The following ZC3H6 variants were observed in gnomAD, a reference collection of about 807,000 sequenced individuals.
ZC3H6 encodes zinc finger CCCH-type containing 6.
Under a neutral mutation model 107.7 loss-of-function variants are expected in ZC3H6, and 40 were observed. The observed-to-expected ratio is 0.37, with a 90% CI of 0.29 to 0.48. The LOEUF (loss-of-function observed/expected upper bound fraction) is 0.48, where lower values mean the gene tolerates loss of function less well. Ranked by LOEUF, ZC3H6 falls within the 20% of genes least tolerant of loss-of-function variation. ZC3H6 has a pLI of 0.98. For synonymous variants in ZC3H6, 493 were observed against 487.9 expected (o/e 1.01, Z -0.14); for missense variants, 1,267 against 1,410.4 (o/e 0.90, Z 1.63).
rs138012344 is a variant in ZC3H6 at position 112,336,408 on chromosome 2, G to A, written c.*3920G>A. The stretch of plus-strand genomic sequence containing the variant: ...TTCTTGAATTATCTTTTCAAAAATG[G>A]TTTGGCAGCACTTGATGACATTATG... On this transcript the variant is annotated 3_prime_UTR_variant, in exon 12 of 12. Transcript: ENST00000409871. 9.2e-5 allele frequency: 14 copies of A among 152,250 alleles called. No individual in the cohort carries two copies. Among genetic ancestry groups the A allele is most frequent in the African/African-American group, 3.1e-4 (13 of 41,552 alleles). 9.4% of individuals were successfully genotyped at this position (152,250 alleles called of 1,614,324 possible).
Position 112,338,899 on chromosome 2 carries a change from ATATATATATATATAAT to A in ZC3H6, c.*6413_*6428del. 1.7e-5 allele frequency: 1 copy of A among 58,164 alleles called. No individual in the cohort carries two copies. Among genetic ancestry groups the A allele is most frequent in the South Asian group, 5.9e-4 (1 of 1,682 alleles). 3.6% of individuals were successfully genotyped at this position (58,164 alleles called of 1,614,324 possible). A position where few individuals can be genotyped will look rare whatever the true frequency, so the allele number is the denominator to read the frequency against. On this transcript the variant is annotated 3_prime_UTR_variant, in exon 12 of 12. Transcript: ENST00000409871. ...TATATATATATATATATATATATAT[ATATATATATATATAAT>A]TTTTTTTTTTTGAGACGGAGTCTTG...
chr2:112,298,140 G>A (rs1316981965), intron 1 of ZC3H6, among the ~76,000 whole-genome samples: 5 of 139,394 alleles, frequency 3.6e-5, no homozygotes, highest in African/African-American at 1.5e-4. Flanking sequence ...CATATAGATA[G>A]ATATATTGCT....
chr2:112,331,743 A>G lies in ZC3H6; in HGVS notation c.2825A>G (p.Asn942Ser), dbSNP rs1356494671. The change falls in exon 12 of 12, where the codon AAC becomes AGC. Residue 942 changes from asparagine (N) to serine (S), a missense_variant. By Grantham distance (46) the Asn-to-Ser change is conservative (BLOSUM62 1). Coordinates refer to ENST00000409871, the MANE Select transcript of ZC3H6 (RefSeq NM_198581.3). Reference sequence around the variant, plus strand: ...GCCAAAGCCAAAATTAACACAACAAACAGAGAAGGCTACCTAGAACAATTT... The same window carrying G: ...GCCAAAGCCAAAATTAACACAACAAGCAGAGAAGGCTACCTAGAACAATTT... ...LAAKAKINTT[N>S]REGYLEQFGD... 2 of 1,613,782 alleles carry G rather than the reference A, an allele frequency of 1.2e-6. No homozygotes were observed. The highest frequency in any genetic ancestry group is 2.2e-5 in the South Asian group (2 of 91,070).
intron 1 of ZC3H6, among the ~76,000 whole-genome samples, chr2:112,291,579 A>G (rs1200489665): frequency 6.6e-6 from 1 of 152,234 alleles, no homozygotes; most frequent in African/African-American, 2.4e-5. Context: ...ATACAAACAC[A>G]ACCAGAGCTT....
intron 11 of ZC3H6, among the ~76,000 whole-genome samples, chr2:112,330,490 A>G (rs905077749): frequency 6.6e-6 from 1 of 152,210 alleles, no homozygotes; most frequent in Non-Finnish European, 1.5e-5. Flanking sequence ...TACCTTAACC[A>G]TCACTTTCAG....
Position 112,333,673 on chromosome 2 carries a change from A to C in ZC3H6, c.*1185A>C, listed in dbSNP as rs976263934. ...ATAATGGCAACTCTTTGTTTTATACATATATAATTTATAACTGAATCTAAG... is the reference window on the plus strand; with the variant it reads ...ATAATGGCAACTCTTTGTTTTATACCTATATAATTTATAACTGAATCTAAG... On this transcript the variant is annotated 3_prime_UTR_variant, in exon 12 of 12. Coordinates refer to ENST00000409871, the MANE Select transcript of ZC3H6 (RefSeq NM_198581.3). The C allele has an allele frequency of 2.0e-5, 3 of 152,116 alleles. No individual in the cohort carries two copies. Among genetic ancestry groups the C allele is most frequent in the Non-Finnish European group, 4.4e-5 (3 of 67,966 alleles). 9.4% of individuals were successfully genotyped at this position (152,116 alleles called of 1,614,324 possible).
chr2:112,309,739 T>C, intron 3 of ZC3H6, 146 bp from the exon 4 acceptor site: 1 of 689,232 alleles, frequency 1.5e-6, no homozygotes, highest in East Asian at 2.8e-5. Flanking sequence ...AGTAGTATCA[T>C]AGATAAGTAC....
chr2:112,331,836 T>C lies in ZC3H6; in HGVS notation c.2918T>C (p.Leu973Pro). The change falls in exon 12 of 12, where the codon CTT becomes CCT. Residue 973 changes from leucine to proline, a missense_variant. Leu to Pro is a moderately conservative substitution (Grantham distance 98, BLOSUM62 -3). This residue lies in a region of ZC3H6 where 925 missense variants were observed against 1,025.7 expected (regional missense o/e 0.90). Transcript: ENST00000409871. ...PRLQKNFDPR[L>P]HRLPNTESHQ... The stretch of plus-strand genomic sequence containing the variant: ...CTACAAAAAAATTTTGATCCTAGGC[T>C]TCACAGACTGCCCAATACAGAGTCT... 3 of 1,613,856 alleles carry C rather than the reference T, an allele frequency of 1.9e-6. No individual in the cohort carries two copies. The highest frequency in any genetic ancestry group is 2.5e-6 in the Non-Finnish European group (3 of 1,179,886).
chr2:112,336,758 T>C lies in ZC3H6; in HGVS notation c.*4270T>C, dbSNP rs550169816. On this transcript the variant is annotated 3_prime_UTR_variant, in exon 12 of 12. Transcript: ENST00000409871. The stretch of plus-strand genomic sequence containing the variant: ...ATTATCCTGCCTTTCCTGGAAAGGA[T>C]ACAGACCCAAGAAAAGTTAACATCT... The C allele has an allele frequency of 1.3e-5, 2 of 152,334 alleles. No individual in the cohort carries two copies. The highest frequency in any genetic ancestry group is 4.8e-5 in the African/African-American group (2 of 41,576). 9.4% of individuals were successfully genotyped at this position (152,334 alleles called of 1,614,324 possible).
At chr2:112,316,981 C>A (rs895584734) in intron 6 of ZC3H6, among the ~76,000 whole-genome samples, 2 of 152,178 alleles carry the variant, frequency 1.3e-5, no homozygotes, top group Admixed American at 6.5e-5. Flanking sequence ...GTTGCCAATT[C>A]AGGCAGTATC....
Position 112,303,312 on chromosome 2 carries a change from A to G in ZC3H6, c.297A>G (p.Arg99=), listed in dbSNP as rs759456998. Residue 99 remains arginine (R), a synonymous_variant, in exon 3 of 12, where the codon AGA becomes AGG. Transcript: ENST00000409871. ...ATACAGAAAGTTCCCATAAAAAAAG[A>G]ACTGGTTTCTACAGGGATTATGACA... ...VEHTESSHKK[R]TGFYRDYDIP... 1 of 1,613,480 alleles carries G rather than the reference A, an allele frequency of 6.2e-7. No homozygotes were observed. The highest frequency in any genetic ancestry group is 8.5e-7 in the Non-Finnish European group (1 of 1,179,514).
chr2:112,300,299 C>T (rs1398765431), intron 2 of ZC3H6, among the ~76,000 whole-genome samples: 1 of 151,904 alleles, frequency 6.6e-6, no homozygotes, highest in African/African-American at 2.4e-5. Flanking sequence ...CCTTGATCTC[C>T]CAGGCTTAGG....
In ZC3H6 at chr2:112,333,922, G is replaced by T. The variant is rs950069041; in HGVS notation, c.*1434G>T. On this transcript the variant is annotated 3_prime_UTR_variant, in exon 12 of 12. Coordinates refer to ENST00000409871, the MANE Select transcript of ZC3H6 (RefSeq NM_198581.3). ...GAACCTAACACTCACATAGCATATG[G>T]TTTATTAATAATGCATATCCTTTCT... 6.6e-6 allele frequency: 1 copy of T among 152,000 alleles called. No individual in the cohort carries two copies. Among genetic ancestry groups the T allele is most frequent in the Non-Finnish European group, 1.5e-5 (1 of 67,964 alleles). The allele number at this position is 152,000 out of a possible 1,614,324, so 9.4% of individuals were successfully genotyped here.
At chr2:112,278,086 T>C (rs1469411672) in intron 1 of ZC3H6, among the ~76,000 whole-genome samples, 2 of 152,204 alleles carry the variant, frequency 1.3e-5, no homozygotes, top group Non-Finnish European at 2.9e-5. Context: ...GAATAAATTT[T>C]TGTTCTGCCC....
intron 9 of ZC3H6, 86 bp from the exon 10 acceptor site, chr2:112,324,066 C>A: frequency 7.1e-7 from 1 of 1,412,462 alleles, no homozygotes; most frequent in Non-Finnish European, 9.5e-7. Context: ...AAAAAAAGTA[C>A]TTAACCAATA....
In ZC3H6 at chr2:112,332,147, A is replaced by G; in HGVS notation, c.3229A>G (p.Ser1077Gly). Residue 1077 changes from serine to glycine, a missense_variant, in exon 12 of 12, where the codon AGT (serine) becomes GGT (glycine). Ser to Gly is a moderately conservative substitution (Grantham distance 56). Coordinates refer to ENST00000409871, the MANE Select transcript of ZC3H6 (RefSeq NM_198581.3). ...AGAAAACTCAAAGAACCAGAAAAAA[A>G]GTGGTGGCTTAAAAAGTAGTGACAA... The part of the protein sequence containing the change: ...SGENSKNQKK[S>G]GGLKSSDKTE... 1 of 1,613,954 alleles carries G rather than the reference A, an allele frequency of 6.2e-7. No individual in the cohort carries two copies. Among genetic ancestry groups the G allele is most frequent in the Non-Finnish European group, 8.5e-7 (1 of 1,179,870 alleles).
At chr2:112,303,518 G>A in intron 3 of ZC3H6, 167 bp downstream of exon 3, 1 of 538,498 alleles carries the variant, frequency 1.9e-6, no homozygotes, top group Non-Finnish European at 3.2e-6. Flanking sequence ...CAGAAACTCA[G>A]CACCTATTAA....
At chr2:112,287,901 C>T (rs912496390) in intron 1 of ZC3H6, among the ~76,000 whole-genome samples, 13 of 152,206 alleles carry the variant, frequency 8.5e-5, no homozygotes, top group South Asian at 2.1e-4. Flanking sequence ...CGCCCCCGGC[C>T]GTTGGAAACA....
Position 112,286,447 on chromosome 2 carries a change from C to CT in ZC3H6, c.32+10429dup, listed in dbSNP as rs528061008. On this transcript the variant is annotated intron_variant, in intron 1 of 11. Transcript: ENST00000409871. ...TCTTGGCGACCCAGCGCATAACTCACTTTTTTTTGGAAACAAGGTTGGCTC... is the reference window on the plus strand; with the variant it reads ...TCTTGGCGACCCAGCGCATAACTCACTTTTTTTTTGGAAACAAGGTTGGCTC... 5.6e-3 allele frequency: 887 copies of CT among 157,752 alleles called. 4 individuals are homozygous for CT. Among genetic ancestry groups the CT allele is most frequent in the Non-Finnish European group, 9.2e-3 (660 of 71,610 alleles). The allele number at this position is 157,752 out of a possible 1,614,324, so 9.8% of individuals were successfully genotyped here.
Sources: gnomAD v4.1 joint callset for allele counts (sites outside exome capture counted in the v4.1 genomes callset) on GRCh38, gnomAD v4.1.1 for gene constraint, gnomAD v4.1.1 regional missense constraint, MANE v1.5 for transcripts, NCBI Gene and HGNC (gene_info 2026-07-23, HGNC 2026-07-21) for gene names.